LPP: variants seen among roughly 807,000 people sequenced by gnomAD.
The protein encoded by LPP is LIM domain containing preferred translocation partner in lipoma, also known as lipoma-preferred partner.
In LPP, 38 loss-of-function variants were observed where a neutral mutation model predicts 60.4. The observed-to-expected ratio is 0.63, with a 90% confidence interval of 0.49 to 0.83. LPP has a LOEUF of 0.83. Ranked by LOEUF, LPP falls within the 40% of genes least tolerant of loss-of-function variation. The pLI is 0.00. For synonymous variants in LPP, 328 were observed against 290.8 expected (o/e 1.13, Z -1.30); for missense variants, 902 against 783.6 (o/e 1.15, Z -1.80).
intron 4 of LPP, among the ~76,000 whole-genome samples, chr3:188,441,045 T>TGTGC (rs1187115948): frequency 3.3e-5 from 5 of 150,060 alleles, no homozygotes; most frequent in African/African-American, 9.7e-5. Flanking sequence ...TGTGTGTGTG[T>TGTGC]GCGTGCCTGT....
chr3:188,505,084 C>G (rs1303090845), intron 5 of LPP, among the ~76,000 whole-genome samples: 2 of 152,076 alleles, frequency 1.3e-5, no homozygotes, highest in Non-Finnish European at 2.9e-5. Flanking sequence ...TAAACTTTAC[C>G]TAAATTAACC....
intron 9 of LPP, among the ~76,000 whole-genome samples, chr3:188,765,978 C>A (rs1413758766): frequency 3.5e-5 from 5 of 142,586 alleles, no homozygotes; most frequent in African/African-American, 1.3e-4. Flanking sequence ...TCAAGCAATT[C>A]TCCTGCCTTA....
At chr3:188,805,436 G>T (rs950955908) in intron 9 of LPP, among the ~76,000 whole-genome samples, 9 of 113,554 alleles carry the variant, frequency 7.9e-5, no homozygotes, top group African/African-American at 3.0e-4. Flanking sequence ...AAGTACTGTG[G>T]TATTGTTTCC....
At position 188,347,829 on chromosome 3, in the gene LPP, C is replaced by T. The variant is rs561617950; in HGVS notation, c.-10+6110C>T. Among the ~76,000 whole-genome samples, 15 of 152,322 alleles carry T rather than the reference C, an allele frequency of 9.8e-5. No individual in the cohort carries two copies. In the South Asian group the frequency reaches 3.1e-3, roughly 32 times the overall value. On this transcript the variant is annotated intron_variant, in intron 3 of 11. Coordinates refer to ENST00000617246, the MANE Select transcript of LPP (RefSeq NM_001375462.1). ...AAGACGCCTCGGAGTTTCTCAATGG[C>T]AGTACCTTCACCTTGCAGATGCAGA...
intron 9 of LPP, 127 bp downstream of exon 9, chr3:188,760,409 G>GTGTGTGT: frequency 1.7e-6 from 1 of 601,654 alleles, no homozygotes; most frequent in East Asian, 2.8e-5. Context: ...GTGTGTGTGG[G>GTGTGTGT]GTGTGTGTGT....
chr3:188,542,959 A>G (rs13079506), intron 6 of LPP, among the ~76,000 whole-genome samples: 11,984 of 152,272 alleles, frequency 0.079, 618 homozygotes, highest in Non-Finnish European at 0.11. Flanking sequence ...TTGATGAAGA[A>G]GTCCGAACAG....
intron 7 of LPP, among the ~76,000 whole-genome samples, chr3:188,613,800 G>C (rs1844325952): frequency 6.6e-6 from 1 of 151,982 alleles, no homozygotes; most frequent in Non-Finnish European, 1.5e-5. Flanking sequence ...GGTCAGTGTT[G>C]AAGGACTTTA....
intron 6 of LPP, among the ~76,000 whole-genome samples, chr3:188,557,797 G>T (rs1829823913): frequency 6.6e-6 from 1 of 152,048 alleles, no homozygotes; most frequent in Admixed American, 6.6e-5. Flanking sequence ...ATGTGCATAT[G>T]AATGTTCTGG....
intron 2 of LPP, among the ~76,000 whole-genome samples, chr3:188,274,556 G>T (rs764616287): frequency 6.6e-6 from 1 of 152,168 alleles, no homozygotes. Flanking sequence ...GGGAGGAGGG[G>T]CATGGACCTG....
chr3:188,221,445 A>G (rs1715748751), intron 1 of LPP, among the ~76,000 whole-genome samples: 1 of 152,090 alleles, frequency 6.6e-6, no homozygotes, highest in African/African-American at 2.4e-5. Flanking sequence ...AGGTCCACAC[A>G]CTGTGTTATC....
At chr3:188,838,870 G>T (rs142996389) in intron 9 of LPP, among the ~76,000 whole-genome samples, 1 of 152,200 alleles carries the variant, frequency 6.6e-6, no homozygotes, top group East Asian at 1.9e-4. Flanking sequence ...TGGGGGTCGG[G>T]TGCAAGGAGA....
chr3:188,628,130 C>A (rs1401412207), intron 7 of LPP, among the ~76,000 whole-genome samples: 1 of 151,902 alleles, frequency 6.6e-6, no homozygotes, highest in Non-Finnish European at 1.5e-5. Context: ...TTTGTAGAGA[C>A]AAACACCTAC....
At chr3:188,800,676 G>C (rs1034141840) in intron 9 of LPP, among the ~76,000 whole-genome samples, 2 of 152,126 alleles carry the variant, frequency 1.3e-5, no homozygotes, top group Non-Finnish European at 2.9e-5. Flanking sequence ...TGGTATGTAA[G>C]AATGCCTGAT....
intron 1 of LPP, among the ~76,000 whole-genome samples, chr3:188,208,529 T>G (rs1733895010): frequency 6.6e-6 from 1 of 152,230 alleles, no homozygotes; most frequent in Non-Finnish European, 1.5e-5. Context: ...AGCTCCTTAC[T>G]GTATGTTTAT....
rs75262353 is a variant in LPP at position 188,824,664 on chromosome 3, G to A, written c.1411-41536G>A. Among the ~76,000 whole-genome samples the A allele has an allele frequency of 3.5e-3, 533 of 152,244 alleles. 1 individual carries two copies. Among genetic ancestry groups the A allele is most frequent in the Non-Finnish European group, 5.7e-3 (386 of 68,012 alleles). ...GTGCAAAATTGTGAACCTGGGATGC[G>A]TGAGGGAGTGGTTATTTTGTGCTGA... On this transcript the variant is annotated intron_variant, in intron 9 of 11. Coordinates refer to ENST00000617246, the MANE Select transcript of LPP (RefSeq NM_001375462.1).
intron 2 of LPP, among the ~76,000 whole-genome samples, chr3:188,307,809 CAG>C (rs1293897681): frequency 1.3e-5 from 2 of 152,170 alleles, no homozygotes; most frequent in Non-Finnish European, 2.9e-5. Flanking sequence ...TTTATTAACA[CAG>C]GGAATACAGC....
At chr3:188,376,640 G>T (rs1775189186) in intron 3 of LPP, among the ~76,000 whole-genome samples, 1 of 152,186 alleles carries the variant, frequency 6.6e-6, no homozygotes. Flanking sequence ...GCACACTGAT[G>T]GGTCTTGACT....
At chr3:188,719,232 G>T (rs1412726611) in intron 8 of LPP, among the ~76,000 whole-genome samples, 2 of 152,086 alleles carry the variant, frequency 1.3e-5, no homozygotes, top group Non-Finnish European at 2.9e-5. Flanking sequence ...TGGTTCCCAG[G>T]ACCATTTCGT....
At chr3:188,764,963 C>T (rs1312881538) in intron 9 of LPP, among the ~76,000 whole-genome samples, 3 of 152,080 alleles carry the variant, frequency 2.0e-5, no homozygotes, top group African/African-American at 4.8e-5. Flanking sequence ...TGAAACTTGG[C>T]GCATTAGTGA....
Sources: gnomAD v4.1 joint callset for allele counts (sites outside exome capture counted in the v4.1 genomes callset) on GRCh38, gnomAD v4.1.1 for gene constraint, MANE v1.5 for transcripts, NCBI Gene and HGNC (gene_info 2026-07-23, HGNC 2026-07-21) for gene names.